Variants in ASCC3 observed in about 807,000 individuals in gnomAD.
ASCC3 encodes ASC-1 complex subunit P200.
A neutral mutation model predicts 256.3 loss-of-function variants in ASCC3; 158 were observed. The observed-to-expected ratio is 0.62, with a 90% confidence interval of 0.54 to 0.70. ASCC3 has a LOEUF of 0.70. Among genes scored for constraint, ASCC3 ranks in the 30% least tolerant of loss-of-function variants. ASCC3 has a pLI of 0.00. For missense variants in ASCC3, 2,259 were observed against 2,626.0 expected (o/e 0.86, Z 3.05); for synonymous variants, 948 against 883.4 (o/e 1.07, Z -1.30).
At chr6:100,798,946 C>T in intron 7 of ASCC3, 108 bp from the exon 8 acceptor site, 4 of 1,026,426 alleles carry the variant, frequency 3.9e-6, no homozygotes, top group Admixed American at 2.4e-5. Flanking sequence ...TATAACAAAG[C>T]ACTGGTAAAT....
In ASCC3 at chr6:100,517,996, A is replaced by T; in HGVS notation, c.5922T>A (p.Leu1974=). 1.9e-6 allele frequency: 3 copies of T among 1,613,292 alleles called. No homozygotes were observed. Among genetic ancestry groups the T allele is most frequent in the Non-Finnish European group, 2.5e-6 (3 of 1,179,418 alleles). ...TTGAAAAGTAAAACAATTACTTGAA[A>T]AGGTGAAGATGATGGTTTTCTATGT... ...LPNIENHHLH[L]FKKWKPIMKG... The change falls in exon 38 of 42, where the codon CTT becomes CTA. Residue 1974 remains leucine, a synonymous_variant. Coordinates refer to ENST00000369162, the MANE Select transcript of ASCC3 (RefSeq NM_006828.4).
chr6:100,630,465 A>G (rs1582596015), intron 26 of ASCC3, among the ~76,000 whole-genome samples: 2 of 151,088 alleles, frequency 1.3e-5, no homozygotes, highest in East Asian at 3.9e-4. Flanking sequence ...GAGCTAGGAT[A>G]CTTATATTTT....
At chr6:100,661,607 T>C (rs1340146888) in intron 16 of ASCC3, among the ~76,000 whole-genome samples, 199 bp downstream of exon 16, 2 of 152,018 alleles carry the variant, frequency 1.3e-5, no homozygotes, top group East Asian at 1.9e-4. Flanking sequence ...CTTTTAACAA[T>C]AGATTTTTAT....
At chr6:100,712,995 T>C (rs1778923970) in intron 13 of ASCC3, among the ~76,000 whole-genome samples, 1 of 152,126 alleles carries the variant, frequency 6.6e-6, no homozygotes, top group Middle Eastern at 3.4e-3. Flanking sequence ...CCTGACCTCG[T>C]GATCCACCTG....
chr6:100,602,084 T>A (rs1437914157), intron 33 of ASCC3, 149 bp from the exon 34 acceptor site: 2 of 748,060 alleles, frequency 2.7e-6, no homozygotes, highest in East Asian at 5.9e-5. Flanking sequence ...TATAATTTTG[T>A]ATACTGTGTA....
chr6:100,711,446 G>T lies in ASCC3; in HGVS notation c.2151+4016C>A, dbSNP rs536759395. On this transcript the variant is annotated intron_variant, in intron 13 of 41. Coordinates refer to ENST00000369162, the MANE Select transcript of ASCC3 (RefSeq NM_006828.4). Reference sequence around the variant, plus strand: ...ACTCATTCATAATGAAATCTATAGGGCTGGGCATGGTGGCTCACGCCTGTA... The same window carrying T: ...ACTCATTCATAATGAAATCTATAGGTCTGGGCATGGTGGCTCACGCCTGTA... Among the ~76,000 whole-genome samples, 3 of 152,224 alleles carry T rather than the reference G, an allele frequency of 2.0e-5. No homozygotes were observed. The East Asian group carries it at 5.8e-4, about 29-fold the overall frequency.
chr6:100,569,951 T>A (rs558023299), intron 36 of ASCC3, among the ~76,000 whole-genome samples: 1 of 152,310 alleles, frequency 6.6e-6, no homozygotes, highest in East Asian at 1.9e-4. Context: ...GTTATCTATG[T>A]TATCTTTTAA....
At chr6:100,630,128 G>T in intron 26 of ASCC3, among the ~76,000 whole-genome samples, 1 of 151,812 alleles carries the variant, frequency 6.6e-6, no homozygotes, top group East Asian at 1.9e-4. Flanking sequence ...TTTCTCAGGT[G>T]ATCACCCGCC....
At chr6:100,793,966 A>G (rs1446353689) in intron 8 of ASCC3, among the ~76,000 whole-genome samples, 2 of 152,016 alleles carry the variant, frequency 1.3e-5, no homozygotes, top group South Asian at 2.1e-4. Context: ...CAAAAAGCCT[A>G]TATCTCATTC....
intron 37 of ASCC3, among the ~76,000 whole-genome samples, chr6:100,531,434 A>C (rs1774866605): frequency 6.6e-6 from 1 of 152,174 alleles, no homozygotes; most frequent in Non-Finnish European, 1.5e-5. Context: ...AAACATATGA[A>C]CATCACAAAG....
At chr6:100,598,974 A>G (rs1393326900) in intron 34 of ASCC3, among the ~76,000 whole-genome samples, 1 of 152,208 alleles carries the variant, frequency 6.6e-6, no homozygotes, top group Non-Finnish European at 1.5e-5. Context: ...AGTCAAGGTA[A>G]ACAGATACAG....
chr6:100,535,909 T>C (rs908981166), intron 37 of ASCC3, among the ~76,000 whole-genome samples: 1 of 152,204 alleles, frequency 6.6e-6, no homozygotes, highest in Non-Finnish European at 1.5e-5. Flanking sequence ...TAATAACAGA[T>C]AACTCACTAA....
intron 14 of ASCC3, among the ~76,000 whole-genome samples, chr6:100,665,938 C>G (rs753247627): frequency 3.3e-5 from 5 of 152,028 alleles, no homozygotes; most frequent in Non-Finnish European, 7.4e-5. Flanking sequence ...AGTTTCTCCA[C>G]CTTAAAAAAA....
At chr6:100,667,329 C>T (rs1449126489) in intron 14 of ASCC3, among the ~76,000 whole-genome samples, 1 of 152,078 alleles carries the variant, frequency 6.6e-6, no homozygotes, top group Non-Finnish European at 1.5e-5. Flanking sequence ...AAAGAGCACA[C>T]ACAGTGTGTT....
At chr6:100,639,209 T>G (rs1774993351) in intron 24 of ASCC3, among the ~76,000 whole-genome samples, 1 of 152,214 alleles carries the variant, frequency 6.6e-6, no homozygotes, top group Middle Eastern at 3.2e-3. Context: ...AACAACGAAT[T>G]ACTTTTGTTC....
At chr6:100,706,370 C>T (rs540854937) in intron 13 of ASCC3, among the ~76,000 whole-genome samples, 36 of 150,698 alleles carry the variant, frequency 2.4e-4, no homozygotes, top group South Asian at 4.2e-4. Context: ...ACTATTCTAC[C>T]GGGAAGTTCT....
intron 33 of ASCC3, 24 bp downstream of exon 33, chr6:100,605,544 T>C (rs1287317823): frequency 2.1e-6 from 3 of 1,433,826 alleles, no homozygotes; most frequent in Middle Eastern, 1.9e-4. Context: ...TAAATCCATT[T>C]AAACTAATTT....
At chr6:100,513,322 T>C (rs401864) in intron 39 of ASCC3, among the ~76,000 whole-genome samples, 19,060 of 152,202 alleles carry the variant, frequency 0.13, 1,683 homozygotes, top group African/African-American at 0.24. Context: ...TTGTAAATCC[T>C]TCCTGATACT....
At chr6:100,729,655 TATC>T (rs2115047027) in intron 10 of ASCC3, among the ~76,000 whole-genome samples, 1 of 152,314 alleles carries the variant, frequency 6.6e-6, no homozygotes, top group Admixed American at 6.5e-5. Flanking sequence ...GTCATATTGA[TATC>T]ATATTGAATT....
Sources: allele counts gnomAD v4.1 joint callset (sites outside exome capture counted in the v4.1 genomes callset), GRCh38; gene constraint gnomAD v4.1.1; transcripts MANE v1.5; gene names NCBI Gene and HGNC (gene_info 2026-07-23, HGNC 2026-07-21).